CTNND2: variants seen among roughly 807,000 people sequenced by gnomAD.
CTNND2 encodes the protein catenin delta 2.
CTNND2 carries 22 observed loss-of-function variants against 144.4 expected under a neutral mutation model. That is an observed-to-expected ratio of 0.15 (90% CI 0.11 to 0.22). The LOEUF is 0.22. CTNND2 is among the 10% of genes least tolerant of loss of function. CTNND2 has a pLI of 1.00. For synonymous variants in CTNND2, 751 were observed against 695.6 expected, an observed-to-expected ratio of 1.08 and a Z score of -1.25; for missense variants, 1,353 against 1,618.8, an observed-to-expected ratio of 0.84 and a Z score of 2.82.
Position 11,551,432 on chromosome 5 carries a change from C to T in CTNND2, c.287+13512G>A, listed in dbSNP as rs369896798. On this transcript the variant is annotated intron_variant, in intron 3 of 21. Coordinates refer to ENST00000304623, the MANE Select transcript of CTNND2 (RefSeq NM_001332.4). ...AGCATATTTATGCTTTTTCTTTTTT[C>T]TTTTTTTTTTTTTTTTTTTTTGATA... 1.7e-3 allele frequency among the ~76,000 whole-genome samples: 173 copies of T among 100,906 alleles called. 1 individual carries two copies. Among genetic ancestry groups the T allele is most frequent in the African/African-American group, 5.9e-3 (162 of 27,654 alleles). The allele number at this position is 100,906 out of a possible 152,430, so 66.2% of individuals were successfully genotyped here.
rs114149300 is a variant in CTNND2, at chr5:11,589,801, G to A, written c.175-24745C>T. 6.7e-3 allele frequency among the ~76,000 whole-genome samples: 1,019 copies of A among 152,230 alleles called. 16 individuals are homozygous for A. The highest frequency in any genetic ancestry group is 0.022 in the African/African-American group (927 of 41,534). On this transcript the variant is annotated intron_variant, in intron 2 of 21. Transcript: ENST00000304623. ...CCAGGTCCACATTTTATAATTAGAC[G>A]ACCTGGGACAAGTTATTTAAAACAG...
At chr5:11,172,662 G>A (rs1171176677) in intron 11 of CTNND2, among the ~76,000 whole-genome samples, 1 of 152,200 alleles carries the variant, frequency 6.6e-6, no homozygotes, top group East Asian at 1.9e-4. Context: ...TGTGGTATGT[G>A]GTTAAGGATG....
intron 2 of CTNND2, among the ~76,000 whole-genome samples, chr5:11,689,083 G>T (rs1426526995): frequency 6.6e-6 from 1 of 152,126 alleles, no homozygotes; most frequent in East Asian, 1.9e-4. Flanking sequence ...ATTTTTGTTG[G>T]ATTCTAATTC....
In CTNND2 at chr5:10,973,758, G is replaced by T; in HGVS notation, c.3418-45C>A. On this transcript the variant is annotated intron_variant, in intron 21 of 21. Coordinates refer to ENST00000304623, the MANE Select transcript of CTNND2 (RefSeq NM_001332.4). This position sits in a 1 kb window ranked among gnomAD's most constrained non-coding sequence, Gnocchi z 5.6. ...CACACTGGGTTACTTGGTTTCCCTT[G>T]ACTCAGCCTGCCTCTTGCCCCGGCA... The T allele has an allele frequency of 6.5e-7, 1 of 1,537,892 alleles. No homozygotes were observed. The highest frequency in any genetic ancestry group is 1.3e-5 in the South Asian group (1 of 78,118).
intron 16 of CTNND2, among the ~76,000 whole-genome samples, chr5:11,044,133 G>T (rs1744974956): frequency 6.6e-6 from 1 of 152,150 alleles, no homozygotes; most frequent in Non-Finnish European, 1.5e-5. Context: ...CTCTCATTCT[G>T]CAATGAGGTA....
At chr5:11,788,412 C>G (rs975229120) in intron 1 of CTNND2, among the ~76,000 whole-genome samples, 1 of 152,082 alleles carries the variant, frequency 6.6e-6, no homozygotes, top group South Asian at 2.1e-4. Context: ...ATATTTAGGG[C>G]CTTTAATCAA....
chr5:11,451,329 C>G (rs1261347104), intron 3 of CTNND2, among the ~76,000 whole-genome samples: 2 of 152,130 alleles, frequency 1.3e-5, no homozygotes, highest in African/African-American at 4.8e-5. Context: ...TGTACCAGAG[C>G]TCTACCTAGA....
chr5:11,871,494 A>G (rs1735118875), intron 1 of CTNND2, among the ~76,000 whole-genome samples: 3 of 152,230 alleles, frequency 2.0e-5, no homozygotes, highest in Admixed American at 1.3e-4. Flanking sequence ...AAGACTGTAA[A>G]GAGCTATCAT....
intron 16 of CTNND2, among the ~76,000 whole-genome samples, chr5:11,070,998 G>A (rs536116690): frequency 2.0e-5 from 3 of 151,518 alleles, no homozygotes; most frequent in Non-Finnish European, 4.4e-5. Context: ...GGAGAGGAGA[G>A]GGGGAGAGGA....
chr5:11,569,322 T>C (rs1777377332), intron 2 of CTNND2, among the ~76,000 whole-genome samples: 1 of 152,108 alleles, frequency 6.6e-6, no homozygotes, highest in Admixed American at 6.5e-5. Context: ...TAAATATTCA[T>C]AAAAGTATTG....
chr5:11,078,532 T>G (rs1561268562), intron 16 of CTNND2, among the ~76,000 whole-genome samples: 1 of 152,216 alleles, frequency 6.6e-6, no homozygotes, highest in African/African-American at 2.4e-5. Context: ...GAGAGAAGAC[T>G]AGATAACTGG....
intron 21 of CTNND2, among the ~76,000 whole-genome samples, chr5:10,979,889 A>C (rs1295649845): frequency 6.6e-6 from 1 of 152,214 alleles, no homozygotes; most frequent in Non-Finnish European, 1.5e-5. Flanking sequence ...CTTACACCTT[A>C]TACAAAAATC....
intron 1 of CTNND2, among the ~76,000 whole-genome samples, chr5:11,871,694 T>G (rs1560950706): frequency 6.6e-6 from 1 of 152,216 alleles, no homozygotes. Flanking sequence ...CTCTAAATAA[T>G]CTTCATAATG....
intron 12 of CTNND2, among the ~76,000 whole-genome samples, chr5:11,140,095 C>G (rs1484995626): frequency 6.6e-6 from 1 of 152,208 alleles, no homozygotes; most frequent in Non-Finnish European, 1.5e-5. Context: ...CCATCTGCAA[C>G]CTTAATTTTC....
chr5:11,320,908 A>G (rs1004128306), intron 9 of CTNND2, among the ~76,000 whole-genome samples: 3 of 152,234 alleles, frequency 2.0e-5, no homozygotes, highest in African/African-American at 4.8e-5. Context: ...ACCAATTCCT[A>G]CGATTAAAGA....
In CTNND2 at chr5:11,237,577, C is replaced by T. The variant is rs61750728; in HGVS notation, c.1629-754G>A. The stretch of plus-strand genomic sequence containing the variant: ...GTGCAGTGGCATAATTATAGCTCAC[C>T]GCAGCCTCAAACTCCTGGGCTCAAG... On this transcript the variant is annotated intron_variant, in intron 9 of 21. Coordinates refer to ENST00000304623, the MANE Select transcript of CTNND2 (RefSeq NM_001332.4). Among the ~76,000 whole-genome samples, 1,430 of 151,726 alleles carry T rather than the reference C, an allele frequency of 9.4e-3. 33 individuals are homozygous for T. The highest frequency in any genetic ancestry group is 0.042 in the Admixed American group (641 of 15,238).
At chr5:11,497,233 T>G (rs1770040931) in intron 3 of CTNND2, among the ~76,000 whole-genome samples, 1 of 152,038 alleles carries the variant, frequency 6.6e-6, no homozygotes. Flanking sequence ...CTACTTTTTT[T>G]TTTTAATACC....
At chr5:11,496,962 C>T (rs1018061351) in intron 3 of CTNND2, among the ~76,000 whole-genome samples, 12 of 152,092 alleles carry the variant, frequency 7.9e-5, no homozygotes, top group African/African-American at 2.2e-4. Context: ...TGCCTGATAT[C>T]GGCATATTAC....
intron 11 of CTNND2, among the ~76,000 whole-genome samples, chr5:11,174,657 G>A (rs1403915924): frequency 2.6e-5 from 4 of 152,156 alleles, no homozygotes; most frequent in African/African-American, 9.7e-5. Flanking sequence ...ATAAAAATGC[G>A]TTAGCCAGTT....
Sources: allele counts gnomAD v4.1 joint callset (sites outside exome capture counted in the v4.1 genomes callset), GRCh38; gene constraint gnomAD v4.1.1; non-coding constraint Gnocchi (gnomAD v3.1); transcripts MANE v1.5; gene names NCBI Gene and HGNC (gene_info 2026-07-23, HGNC 2026-07-21).